SRPK2: variants seen among roughly 807,000 people sequenced by gnomAD.
SRPK2 encodes the protein SRSF protein kinase 2.
Under a neutral mutation model 90.8 loss-of-function variants are expected in SRPK2, and 21 were observed. The ratio of observed to expected loss-of-function variants is 0.23; its 90% CI spans 0.16 to 0.33. The LOEUF (loss-of-function observed/expected upper bound fraction) is 0.33, where lower values mean the gene tolerates loss of function less well. Among genes scored for constraint, SRPK2 ranks in the 10% least tolerant of loss-of-function variants. The pLI is 1.00. For synonymous variants in SRPK2, 288 were observed against 311.1 expected (o/e 0.93, Z 0.78); for missense variants, 620 against 869.0 (o/e 0.71, Z 3.60).
At chr7:105,312,116 T>C (rs562077199) in intron 2 of SRPK2, among the ~76,000 whole-genome samples, 2 of 152,180 alleles carry the variant, frequency 1.3e-5, no homozygotes, top group Non-Finnish European at 2.9e-5. Flanking sequence ...AACAAATAAT[T>C]TCAAGATGAA....
At chr7:105,215,212 T>C (rs1158297397) in intron 2 of SRPK2, among the ~76,000 whole-genome samples, 3 of 152,080 alleles carry the variant, frequency 2.0e-5, no homozygotes, top group African/African-American at 4.8e-5. Context: ...GTCCTAAATA[T>C]AAGAGCTAAA....
At chr7:105,241,784 C>T (rs1800847058) in intron 2 of SRPK2, among the ~76,000 whole-genome samples, 1 of 152,072 alleles carries the variant, frequency 6.6e-6, no homozygotes, top group Non-Finnish European at 1.5e-5. Flanking sequence ...CATCTTTCTC[C>T]CTTCACACGT....
intron 7 of SRPK2, among the ~76,000 whole-genome samples, chr7:105,146,948 T>A (rs140281015): frequency 1.3e-5 from 2 of 152,282 alleles, no homozygotes; most frequent in East Asian, 3.9e-4. Context: ...GGTTCCCTTA[T>A]ACACAGATTG....
intron 2 of SRPK2, among the ~76,000 whole-genome samples, chr7:105,220,818 A>G (rs960607305): frequency 2.0e-5 from 3 of 151,958 alleles, no homozygotes; most frequent in Non-Finnish European, 4.4e-5. Flanking sequence ...GATGTGTCTC[A>G]TTTGTTTCAG....
At chr7:105,221,076 C>A (rs1323963519) in intron 2 of SRPK2, among the ~76,000 whole-genome samples, 1 of 152,124 alleles carries the variant, frequency 6.6e-6, no homozygotes, top group African/African-American at 2.4e-5. Flanking sequence ...GTTTACTAAA[C>A]CCACACACCA....
chr7:105,288,605 AAAC>A lies in SRPK2; in HGVS notation c.72-84823_72-84821del, dbSNP rs372366010. Among the ~76,000 whole-genome samples the A allele has an allele frequency of 1.4e-3, 216 of 152,310 alleles. 3 individuals are homozygous for A. Among genetic ancestry groups the A allele is most frequent in the African/African-American group, 3.9e-3 (161 of 41,546 alleles). The stretch of plus-strand genomic sequence containing the variant: ...CAAAGTGCAAGACTCCATCTCAAAT[AAAC>A]AACAACAAAAAAAATATATAAAAAC... On this transcript the variant is annotated intron_variant, in intron 2 of 15. Transcript: ENST00000393651.
chr7:105,328,561 CAAAAAAAAAA>C (rs1192103331), intron 2 of SRPK2, among the ~76,000 whole-genome samples: 1 of 47,194 alleles, frequency 2.1e-5, no homozygotes, highest in Non-Finnish European at 3.6e-5. Flanking sequence ...GGCTCTGTCT[CAAAAAAAAAA>C]AAAAAAAAAA....
chr7:105,176,749 ATGTGTGTG>A (rs10607750), intron 3 of SRPK2, among the ~76,000 whole-genome samples: 3 of 144,316 alleles, frequency 2.1e-5, no homozygotes, highest in South Asian at 2.2e-4. Context: ...ATGTGTGTAT[ATGTGTGTG>A]TGTGTGTGTG....
At chr7:105,161,102 A>G (rs1807571142) in intron 6 of SRPK2, among the ~76,000 whole-genome samples, 1 of 151,612 alleles carries the variant, frequency 6.6e-6, no homozygotes, top group Non-Finnish European at 1.5e-5. Context: ...ATTTTTTGTA[A>G]TTTTAGTAGA....
chr7:105,272,792 T>C (rs17721873), intron 2 of SRPK2, among the ~76,000 whole-genome samples: 9,538 of 152,282 alleles, frequency 0.063, 471 homozygotes, highest in East Asian at 0.19. Context: ...ATGTCTAAAA[T>C]TGAACCCATA....
In SRPK2 at chr7:105,264,195, T is replaced by C. The variant is rs117511173; in HGVS notation, c.72-60410A>G. ...TTCCACTGAATGCCCTTTACTTCTTTCTCTCTTCATCTGGTACCTTCCTCA... is the reference window on the plus strand; with the variant it reads ...TTCCACTGAATGCCCTTTACTTCTTCCTCTCTTCATCTGGTACCTTCCTCA... On this transcript the variant is annotated intron_variant, in intron 2 of 15. Transcript: ENST00000393651. 1.0e-2 allele frequency among the ~76,000 whole-genome samples: 1,519 copies of C among 152,304 alleles called. 13 individuals carry two copies. Among genetic ancestry groups the C allele is most frequent in the Non-Finnish European group, 0.016 (1,080 of 68,010 alleles).
intron 2 of SRPK2, among the ~76,000 whole-genome samples, chr7:105,232,408 G>A (rs927748644): frequency 2.7e-5 from 4 of 149,788 alleles, no homozygotes; most frequent in Admixed American, 1.3e-4. Context: ...GCGGTGAGCC[G>A]AGATCGCGCC....
At chr7:105,205,159 CACT>C (rs1403032799) in intron 2 of SRPK2, among the ~76,000 whole-genome samples, 1 of 152,078 alleles carries the variant, frequency 6.6e-6, no homozygotes, top group East Asian at 1.9e-4. Flanking sequence ...CCAACACCAC[CACT>C]AATGCATGTG....
At chr7:105,291,265 G>C (rs911201262) in intron 2 of SRPK2, among the ~76,000 whole-genome samples, 2 of 152,162 alleles carry the variant, frequency 1.3e-5, no homozygotes, top group African/African-American at 4.8e-5. Flanking sequence ...CTTTTAAGTA[G>C]GGCAGAAATA....
intron 3 of SRPK2, among the ~76,000 whole-genome samples, chr7:105,198,273 C>T (rs1315939263): frequency 6.6e-6 from 1 of 152,170 alleles, no homozygotes; most frequent in Non-Finnish European, 1.5e-5. Context: ...CAGGCACCCC[C>T]TACTGCCTCT....
chr7:105,288,124 T>C (rs776604671), intron 2 of SRPK2, among the ~76,000 whole-genome samples: 1 of 152,204 alleles, frequency 6.6e-6, no homozygotes, highest in Non-Finnish European at 1.5e-5. Flanking sequence ...CTTCTCACAC[T>C]ATTCTATCAT....
chr7:105,174,417 T>C (rs999674030), intron 3 of SRPK2, among the ~76,000 whole-genome samples: 3 of 152,174 alleles, frequency 2.0e-5, no homozygotes, highest in African/African-American at 7.2e-5. Flanking sequence ...GTCTCTTTAT[T>C]TTCTTAATAA....
chr7:105,135,879 C>T (rs1190170670), intron 11 of SRPK2, among the ~76,000 whole-genome samples: 1 of 151,932 alleles, frequency 6.6e-6, no homozygotes, highest in East Asian at 1.9e-4. Context: ...ATTCTCCTGC[C>T]TCAGCCTCCC....
At chr7:105,356,088 T>G (rs34356406) in intron 2 of SRPK2, among the ~76,000 whole-genome samples, 6,613 of 152,230 alleles carry the variant, frequency 0.043, 527 homozygotes, top group East Asian at 0.38. Flanking sequence ...CCATCAGGAT[T>G]GAGTTTCTAA....
Sources: allele counts gnomAD v4.1 joint callset (sites outside exome capture counted in the v4.1 genomes callset), GRCh38; gene constraint gnomAD v4.1.1; transcripts MANE v1.5; gene names NCBI Gene and HGNC (gene_info 2026-07-23, HGNC 2026-07-21).